The following TBC1D4 variants were observed in gnomAD, a reference collection of about 807,000 sequenced individuals.
The protein encoded by TBC1D4 is TBC (Tre-2, BUB2, CDC16) domain-containing protein.
In TBC1D4, 121 loss-of-function variants were observed where a neutral mutation model predicts 142.5. That is an observed-to-expected ratio of 0.85 (90% CI 0.73 to 0.99). The LOEUF (loss-of-function observed/expected upper bound fraction) is 0.99, where lower values mean the gene tolerates loss of function less well. Among genes scored for constraint, TBC1D4 ranks in the 50% least tolerant of loss-of-function variants. TBC1D4 has a pLI of 0.00. For synonymous variants in TBC1D4, 630 were observed against 628.2 expected (o/e 1.00, Z -0.04); for missense variants, 1,475 against 1,606.6 (o/e 0.92, Z 1.40).
Position 75,362,301 on chromosome 13 carries a change from C to T in TBC1D4, c.805G>A (p.Glu269Lys), listed in dbSNP as rs766590533. Reference protein sequence around the residue: ...VPGSPGDCLPEEADGTDTHLG... With the variant: ...VPGSPGDCLPKEADGTDTHLG... ...TGGGTGTCGGTGCCGTCAGCCTCCT[C>T]CGGCAGGCAGTCTCCGGGGGACCCG... Residue 269 changes from glutamate (E) to lysine (K), a missense_variant, in exon 2 of 21, where the codon GAG becomes AAG. Physicochemically the swap from Glu to Lys is moderately conservative, Grantham distance 56. Coordinates refer to ENST00000377636, the MANE Select transcript of TBC1D4 (RefSeq NM_014832.5). The surrounding 1 kb of genome is among the most constrained non-coding windows in gnomAD (Gnocchi z 4.2). The T allele has an allele frequency of 1.9e-5, 31 of 1,613,846 alleles. No homozygotes were observed. Among genetic ancestry groups the T allele is most frequent in the Non-Finnish European group, 2.6e-5 (31 of 1,180,008 alleles).
intron 13 of TBC1D4, among the ~76,000 whole-genome samples, chr13:75,311,778 T>C (rs1877783393): frequency 6.6e-6 from 1 of 152,164 alleles, no homozygotes; most frequent in Admixed American, 6.5e-5. Flanking sequence ...ATGATTATGA[T>C]TATTTGGATT....
At chr13:75,325,111 T>C (rs142196585) in intron 10 of TBC1D4, among the ~76,000 whole-genome samples, 8 of 152,294 alleles carry the variant, frequency 5.3e-5, no homozygotes, top group African/African-American at 1.9e-4. Flanking sequence ...TCTTTAATTA[T>C]TGAAAATAAT....
chr13:75,479,654 G>C (rs920280505), intron 1 of TBC1D4, among the ~76,000 whole-genome samples: 10 of 151,452 alleles, frequency 6.6e-5, no homozygotes, highest in Non-Finnish European at 1.3e-4. Context: ...TAAAGTCCTG[G>C]AAAAATGCAA....
chr13:75,454,375 T>A (rs561185177), intron 1 of TBC1D4, among the ~76,000 whole-genome samples: 111 of 152,338 alleles, frequency 7.3e-4, no homozygotes, highest in Non-Finnish European at 9.6e-4. Context: ...TTATTTAAAA[T>A]ACCTACTCCT....
At chr13:75,357,462 C>T (rs1882143232) in intron 3 of TBC1D4, among the ~76,000 whole-genome samples, 1 of 152,184 alleles carries the variant, frequency 6.6e-6, no homozygotes, top group South Asian at 2.1e-4. Context: ...GCTTTCTCTC[C>T]TATAACATTC....
At chr13:75,292,319 T>C (rs1334058446) in intron 18 of TBC1D4, 48 bp from the exon 19 acceptor site, 1 of 1,501,922 alleles carries the variant, frequency 6.7e-7, no homozygotes, top group Non-Finnish European at 9.1e-7. Context: ...GCATCCACTC[T>C]TGTAAAAAGC....
At chr13:75,437,151 A>C (rs1886833740) in intron 1 of TBC1D4, among the ~76,000 whole-genome samples, 1 of 152,214 alleles carries the variant, frequency 6.6e-6, no homozygotes, top group Non-Finnish European at 1.5e-5. Flanking sequence ...CTAGGCCTAA[A>C]GGGGTATTAC....
intron 5 of TBC1D4, among the ~76,000 whole-genome samples, chr13:75,348,632 T>C (rs947132880): frequency 1.4e-4 from 22 of 152,134 alleles, no homozygotes; most frequent in Non-Finnish European, 7.4e-5. Flanking sequence ...TCAGAACATA[T>C]TAAAAAAAAC....
At chr13:75,475,852 T>C (rs1342723071) in intron 1 of TBC1D4, among the ~76,000 whole-genome samples, 2 of 152,320 alleles carry the variant, frequency 1.3e-5, no homozygotes, top group African/African-American at 4.8e-5. Context: ...GGAACAGAAG[T>C]GTTTCAGATT....
At chr13:75,330,342 T>C (rs867183122) in intron 8 of TBC1D4, among the ~76,000 whole-genome samples, 5 of 152,246 alleles carry the variant, frequency 3.3e-5, no homozygotes, top group African/African-American at 1.2e-4. Flanking sequence ...TATTTATTCT[T>C]ATCTGCATAT....
chr13:75,324,426 A>G, intron 10 of TBC1D4, 25 bp from the exon 11 acceptor site: 2 of 1,612,746 alleles, frequency 1.2e-6, no homozygotes, highest in Non-Finnish European at 1.7e-6. Context: ...TACAGCAAAT[A>G]TGTCTTAATT....
intron 1 of TBC1D4, among the ~76,000 whole-genome samples, chr13:75,430,230 T>C (rs7985929): frequency 0.37 from 55,971 of 152,142 alleles, 12,623 homozygotes; most frequent in African/African-American, 0.64. Flanking sequence ...ATAATCTTGA[T>C]AGATGACAAA....
intron 5 of TBC1D4, among the ~76,000 whole-genome samples, chr13:75,344,466 A>T (rs1300648973): frequency 6.6e-6 from 1 of 152,148 alleles, no homozygotes; most frequent in Non-Finnish European, 1.5e-5. Context: ...CCTTCCTCCC[A>T]GCAACTGGAA....
intron 1 of TBC1D4, among the ~76,000 whole-genome samples, chr13:75,442,441 A>G (rs918770828): frequency 6.6e-6 from 1 of 152,218 alleles, no homozygotes; most frequent in African/African-American, 2.4e-5. Flanking sequence ...CAGAAAACAA[A>G]TTCAAAATCA....
chr13:75,409,932 A>G (rs1885542656), intron 1 of TBC1D4, among the ~76,000 whole-genome samples: 1 of 152,322 alleles, frequency 6.6e-6, no homozygotes, highest in African/African-American at 2.4e-5. Flanking sequence ...TTTCTTTCAA[A>G]TATTCTGACC....
At chr13:75,407,813 C>T (rs867575158) in intron 1 of TBC1D4, among the ~76,000 whole-genome samples, 2 of 151,298 alleles carry the variant, frequency 1.3e-5, no homozygotes, top group Admixed American at 6.6e-5. Flanking sequence ...CCAGGACTCA[C>T]ATCTAAGACA....
At chr13:75,354,265 A>C (rs1221567691) in intron 4 of TBC1D4, among the ~76,000 whole-genome samples, 3 of 152,260 alleles carry the variant, frequency 2.0e-5, no homozygotes, top group African/African-American at 7.2e-5. Flanking sequence ...AGTGAGGCAT[A>C]CACCAGGTTC....
chr13:75,355,856 A>G (rs1882000609), intron 4 of TBC1D4, among the ~76,000 whole-genome samples: 1 of 152,250 alleles, frequency 6.6e-6, no homozygotes, highest in South Asian at 2.1e-4. Context: ...GAGCAATGAA[A>G]AAAGTAACAG....
rs77064613 is a variant in TBC1D4, at chr13:75,478,079, C to T, written c.498+3191G>A. 5.5e-3 allele frequency among the ~76,000 whole-genome samples: 839 copies of T among 152,310 alleles called. 14 individuals are homozygous for T. Among genetic ancestry groups the T allele is most frequent in the African/African-American group, 0.019 (810 of 41,566 alleles). On this transcript the variant is annotated intron_variant, in intron 1 of 20. Coordinates refer to ENST00000377636, the MANE Select transcript of TBC1D4 (RefSeq NM_014832.5). ...GAGGGAACACATCACTGTGGCAACTCCCCACAACAGACCCCCAAGCGATTA... is the reference window on the plus strand; with the variant it reads ...GAGGGAACACATCACTGTGGCAACTTCCCACAACAGACCCCCAAGCGATTA...
Sources: allele counts gnomAD v4.1 joint callset (sites outside exome capture counted in the v4.1 genomes callset), GRCh38; gene constraint gnomAD v4.1.1; non-coding constraint Gnocchi (gnomAD v3.1); transcripts MANE v1.5; gene names NCBI Gene and HGNC (gene_info 2026-07-23, HGNC 2026-07-21).